KIT: variants seen among roughly 807,000 people sequenced by gnomAD.
KIT encodes KIT proto-oncogene, receptor tyrosine kinase.
In KIT, 16 loss-of-function variants were observed where a neutral mutation model predicts 105.7. The observed-to-expected ratio is 0.15, with a 90% CI of 0.10 to 0.23. The LOEUF (loss-of-function observed/expected upper bound fraction) is 0.23. Among genes scored for constraint, KIT ranks in the 10% least tolerant of loss-of-function variants. The probability of loss-of-function intolerance (pLI) is 1.00; values close to 1 mark genes in which losing one functional copy is unlikely to be tolerated. For synonymous variants in KIT, 438 were observed against 441.1 expected (o/e 0.99, Z 0.09); for missense variants, 858 against 1,213.8 (o/e 0.71, Z 4.36).
chr4:54,717,151 T>C (rs1271342556), intron 7 of KIT, among the ~76,000 whole-genome samples: 3 of 152,176 alleles, frequency 2.0e-5, no homozygotes, highest in African/African-American at 7.2e-5. Context: ...AAAGAGAATG[T>C]CTGTGGAGGC....
At chr4:54,722,442 G>T (rs1577986801) in intron 7 of KIT, among the ~76,000 whole-genome samples, 2 of 152,238 alleles carry the variant, frequency 1.3e-5, no homozygotes, top group South Asian at 2.1e-4. Context: ...GAGAGATGTA[G>T]AAACTTACTC....
rs2109760251 is a variant in KIT at position 54,723,575 on chromosome 4, T to C, written c.1232-9T>C. On this transcript the variant is annotated splice_polypyrimidine_tract_variant and intron_variant, in intron 7 of 20. Transcript: ENST00000288135. ...ACTCTGACATATGGCCATTTCTGTT[T>C]TCCTGTAGCAAAACCAGAAATCCTG... The C allele has an allele frequency of 1.3e-6, 2 of 1,599,894 alleles. No homozygotes were observed. Among genetic ancestry groups the C allele is most frequent in the Non-Finnish European group, 1.7e-6 (2 of 1,167,104 alleles).
At chr4:54,658,371 C>A (rs1560367107) in intron 1 of KIT, among the ~76,000 whole-genome samples, 2 of 152,000 alleles carry the variant, frequency 1.3e-5, no homozygotes, top group South Asian at 2.1e-4. Flanking sequence ...AGGCTCCGTG[C>A]GAGTTTGGGG....
chr4:54,724,380 T>G (rs1722087494), intron 8 of KIT, among the ~76,000 whole-genome samples: 1 of 152,228 alleles, frequency 6.6e-6, no homozygotes. Flanking sequence ...CGCAGAAATT[T>G]TATTTTTCAT....
At chr4:54,722,897 AT>A (rs1224452342) in intron 7 of KIT, among the ~76,000 whole-genome samples, 1 of 146,496 alleles carries the variant, frequency 6.8e-6, no homozygotes, top group African/African-American at 2.5e-5. Flanking sequence ...ATTTATATAT[AT>A]ATATTCACGT....
At chr4:54,722,958 T>C (rs1423083473) in intron 7 of KIT, among the ~76,000 whole-genome samples, 1 of 150,734 alleles carries the variant, frequency 6.6e-6, no homozygotes, top group Non-Finnish European at 1.5e-5. Context: ...CTTTTCTAGT[T>C]TTCTGTTCAT....
rs777327181 is a variant in KIT at position 54,709,628 on chromosome 4, A to G, written c.1231+89A>G. The G allele has an allele frequency of 5.0e-6, 4 of 801,272 alleles. No homozygotes were observed. The African/African-American group carries it at 5.1e-5, about 10-fold the overall frequency. 49.6% of individuals were successfully genotyped at this position (801,272 alleles called of 1,614,324 possible). A position where few individuals can be genotyped will look rare whatever the true frequency, so the allele number is the denominator to read the frequency against. ...ACAGCTGCAAGGACTCAACTTGTGT[A>G]CTATGTAAATAACGTTTCATGATAA... On this transcript the variant is annotated intron_variant, in intron 7 of 20. Coordinates refer to ENST00000288135, the MANE Select transcript of KIT (RefSeq NM_000222.3).
At chr4:54,689,057 C>G (rs1043408281) in intron 1 of KIT, among the ~76,000 whole-genome samples, 8 of 152,232 alleles carry the variant, frequency 5.3e-5, no homozygotes, top group Non-Finnish European at 7.3e-5. Flanking sequence ...AAATGGAGTA[C>G]TTGTGAAACA....
chr4:54,727,991 A>G lies in KIT; in HGVS notation c.1880-20A>G. 6.2e-7 allele frequency: 1 copy of G among 1,613,722 alleles called. No homozygotes were observed. Among genetic ancestry groups the G allele is most frequent in the Non-Finnish European group, 8.5e-7 (1 of 1,179,614 alleles). Reference sequence around the variant, plus strand: ...TTTGCCAGTTGTGCTTTTTGCTAAAATGCATGTTTCCAATTTTAGCGAGTG... The same window carrying G: ...TTTGCCAGTTGTGCTTTTTGCTAAAGTGCATGTTTCCAATTTTAGCGAGTG... On this transcript the variant is annotated intron_variant, in intron 12 of 20. Transcript: ENST00000288135.
chr4:54,678,346 TTCCTTCCCTCCC>T lies in KIT; in HGVS notation c.68-17162_68-17151del, dbSNP rs1213325332. On this transcript the variant is annotated intron_variant, in intron 1 of 20. Coordinates refer to ENST00000288135, the MANE Select transcript of KIT (RefSeq NM_000222.3). ...CTTCCTTCCTTCCTTCCTTCCTTCCTTCCTTCCCTCCCTCCCTCCCTCCCTCCCTCCCCCAAT... is the reference window on the plus strand; with the variant it reads ...CTTCCTTCCTTCCTTCCTTCCTTCCTTCCCTCCCTCCCTCCCTCCCCCAAT... Among the ~76,000 whole-genome samples, 9 of 79,004 alleles carry T rather than the reference TTCCTTCCCTCCC, an allele frequency of 1.1e-4. No homozygotes were observed. The East Asian group carries it at 2.3e-3, about 20-fold the overall frequency. 51.8% of individuals were successfully genotyped at this position (79,004 alleles called of 152,430 possible). A position where few individuals can be genotyped will look rare whatever the true frequency, so the allele number is the denominator to read the frequency against.
At chr4:54,718,300 C>A (rs1048933249) in intron 7 of KIT, among the ~76,000 whole-genome samples, 3 of 152,140 alleles carry the variant, frequency 2.0e-5, no homozygotes, top group Non-Finnish European at 2.9e-5. Context: ...GGGATTTCAC[C>A]ATGTTGGCCA....
At chr4:54,706,545 C>CTGTAGAAATTTCATAGGAG (rs1160588052) in intron 5 of KIT, among the ~76,000 whole-genome samples, 3 of 152,024 alleles carry the variant, frequency 2.0e-5, no homozygotes, top group African/African-American at 7.2e-5. Flanking sequence ...AACTTCCCCT[C>CTGTAGAAATTTCATAGGAG]TGTAGAAATT....
intron 8 of KIT, among the ~76,000 whole-genome samples, chr4:54,724,680 CCTGGGCTACA>C (rs1199964087): frequency 2.6e-5 from 4 of 151,876 alleles, no homozygotes; most frequent in African/African-American, 9.7e-5. Flanking sequence ...TTTTAGCTTC[CCTGGGCTACA>C]CTGGAAGAAG....
intron 1 of KIT, among the ~76,000 whole-genome samples, chr4:54,671,895 A>G (rs1393977737): frequency 1.3e-5 from 2 of 152,220 alleles, no homozygotes; most frequent in African/African-American, 2.4e-5. Context: ...ATTGGGAAGC[A>G]TGTCTCAAGC....
At chr4:54,709,615 A>G (rs754772100) in intron 7 of KIT, 76 bp downstream of exon 7, 4 of 869,544 alleles carry the variant, frequency 4.6e-6, no homozygotes, top group African/African-American at 1.7e-5. Flanking sequence ...AGCTGCAAGG[A>G]CTCAACTTGT....
At chr4:54,686,971 G>T (rs1577940123) in intron 1 of KIT, among the ~76,000 whole-genome samples, 1 of 152,122 alleles carries the variant, frequency 6.6e-6, no homozygotes, top group Non-Finnish European at 1.5e-5. Flanking sequence ...ACTTTTCCAT[G>T]GAACTACTTT....
chr4:54,728,336 A>G (rs1722372591), intron 13 of KIT, among the ~76,000 whole-genome samples: 1 of 152,192 alleles, frequency 6.6e-6, no homozygotes, highest in African/African-American at 2.4e-5. Context: ...GACATACCCT[A>G]GTTATTGTCG....
chr4:54,731,190 A>T, intron 14 of KIT, 138 bp from the exon 15 acceptor site: 1 of 716,044 alleles, frequency 1.4e-6, no homozygotes. Flanking sequence ...CAAACTCTTT[A>T]TTCAAACTTT....
chr4:54,707,083 T>C lies in KIT; in HGVS notation c.926-15T>C, dbSNP rs1029721782. ...TAGATAATGGTTTCTTTCTGTCTTA[T>C]TTCATTCTAATTAGATAAAGGATTC... On this transcript the variant is annotated splice_polypyrimidine_tract_variant and intron_variant, in intron 5 of 20. Coordinates refer to ENST00000288135, the MANE Select transcript of KIT (RefSeq NM_000222.3). The C allele has an allele frequency of 1.3e-5, 19 of 1,412,134 alleles. No individual in the cohort carries two copies. Among genetic ancestry groups the C allele is most frequent in the Admixed American group, 6.8e-5 (4 of 58,774 alleles). The allele number at this position is 1,412,134 out of a possible 1,614,324, so 87.5% of individuals were successfully genotyped here. A position where few individuals can be genotyped will look rare whatever the true frequency, so the allele number is the denominator to read the frequency against.
Sources: gnomAD v4.1 joint callset for allele counts (sites outside exome capture counted in the v4.1 genomes callset) on GRCh38, gnomAD v4.1.1 for gene constraint, MANE v1.5 for transcripts, NCBI Gene and HGNC (gene_info 2026-07-23, HGNC 2026-07-21) for gene names.